The following ENPP3 variants were observed in gnomAD, a reference collection of about 807,000 sequenced individuals.
ENPP3 encodes the protein ectonucleotide pyrophosphatase/phosphodiesterase 3.
In ENPP3, 104 loss-of-function variants were observed where a neutral mutation model predicts 117.8. The ratio of observed to expected loss-of-function variants is 0.88; its 90% CI spans 0.75 to 1.04. ENPP3 has a LOEUF of 1.04. Among genes scored for constraint, ENPP3 ranks in the 50% least tolerant of loss-of-function variants. ENPP3 has a pLI of 0.00. For synonymous variants in ENPP3, 380 were observed against 349.9 expected, an observed-to-expected ratio of 1.09 and a Z score of -0.96; for missense variants, 1,026 against 1,051.9, an observed-to-expected ratio of 0.98 and a Z score of 0.34.
chr6:131,726,316 T>C (rs956461011), intron 20 of ENPP3, 116 bp downstream of exon 20: 4 of 856,604 alleles, frequency 4.7e-6, no homozygotes, highest in Non-Finnish European at 7.3e-6. Context: ...CTCACTGGCC[T>C]GTAGCTTGCA....
At chr6:131,640,216 G>A (rs1384916392) in intron 1 of ENPP3, among the ~76,000 whole-genome samples, 1 of 152,210 alleles carries the variant, frequency 6.6e-6, no homozygotes, top group Non-Finnish European at 1.5e-5. Context: ...AGTCTATGAT[G>A]TGTGAGGTTT....
chr6:131,669,799 G>C (rs1006710599), intron 6 of ENPP3, among the ~76,000 whole-genome samples: 3 of 152,022 alleles, frequency 2.0e-5, no homozygotes, highest in Non-Finnish European at 2.9e-5. Flanking sequence ...TTCTGAAGGA[G>C]GAAATTCCTG....
intron 6 of ENPP3, among the ~76,000 whole-genome samples, chr6:131,667,143 T>G (rs1439236914): frequency 1.3e-5 from 2 of 152,140 alleles, no homozygotes; most frequent in Non-Finnish European, 2.9e-5. Flanking sequence ...TTTTTTTTTC[T>G]TCTTTATTTT....
chr6:131,740,078 C>T, intron 23 of ENPP3, 146 bp from the exon 24 acceptor site: 3 of 575,046 alleles, frequency 5.2e-6, no homozygotes, highest in Admixed American at 4.0e-5. Context: ...TAAAAAGTAC[C>T]TAGCATATAG....
chr6:131,706,620 C>T (rs1779643659), intron 15 of ENPP3, among the ~76,000 whole-genome samples: 1 of 150,148 alleles, frequency 6.7e-6, no homozygotes, highest in South Asian at 2.1e-4. Flanking sequence ...TTCCTCTATT[C>T]CTGCTTTATA....
chr6:131,693,683 T>C, intron 15 of ENPP3, 59 bp downstream of exon 15: 1 of 1,539,652 alleles, frequency 6.5e-7, no homozygotes, highest in East Asian at 2.3e-5. Flanking sequence ...TCATTATAAG[T>C]CTACTTAACC....
intron 1 of ENPP3, among the ~76,000 whole-genome samples, chr6:131,638,080 T>C (rs1351034052): frequency 6.6e-6 from 1 of 152,082 alleles, no homozygotes; most frequent in Non-Finnish European, 1.5e-5. Flanking sequence ...ACTTTTGGGG[T>C]AAAGAGGGCT....
intron 5 of ENPP3, among the ~76,000 whole-genome samples, chr6:131,653,122 G>A (rs1249414623): frequency 1.3e-5 from 2 of 151,648 alleles, no homozygotes; most frequent in Non-Finnish European, 2.9e-5. Flanking sequence ...GTCTTACAAC[G>A]ACGACTTTAT....
At chr6:131,667,996 G>C (rs1329856637) in intron 6 of ENPP3, among the ~76,000 whole-genome samples, 1 of 151,942 alleles carries the variant, frequency 6.6e-6, no homozygotes, top group Non-Finnish European at 1.5e-5. Context: ...AATGATACAG[G>C]CCAACATTAT....
At position 131,685,284 on chromosome 6, in the gene ENPP3, T is replaced by C. The variant is rs2114426015; in HGVS notation, c.1121-80T>C. The stretch of plus-strand genomic sequence containing the variant: ...AGTTTGAGATCTGTAACATAAAATG[T>C]CTTCTATTTGACAAGACAGAAATCA... On this transcript the variant is annotated intron_variant, in intron 12 of 24. Coordinates refer to ENST00000357639, the MANE Select transcript of ENPP3 (RefSeq NM_005021.5). 2.5e-6 allele frequency: 3 copies of C among 1,200,324 alleles called. No individual in the cohort carries two copies. The Middle Eastern group carries it at 6.0e-4, about 239-fold the overall frequency. 74.4% of individuals were successfully genotyped at this position (1,200,324 alleles called of 1,614,324 possible). A position where few individuals can be genotyped will look rare whatever the true frequency, so the allele number is the denominator to read the frequency against.
chr6:131,746,846 C>T lies in ENPP3; in HGVS notation c.2518C>T (p.Arg840Cys), dbSNP rs142027140. 78 of 1,613,090 alleles carry T rather than the reference C, an allele frequency of 4.8e-5. No individual in the cohort carries two copies. Among genetic ancestry groups the T allele is most frequent in the East Asian group, 8.9e-5 (4 of 44,808 alleles). Reference sequence around the variant, plus strand: ...ATTTACAGCTCACATTGCCCGGGTCCGTGATGTAGAACTTCTCACTGGGCT... The same window carrying T: ...ATTTACAGCTCACATTGCCCGGGTCTGTGATGTAGAACTTCTCACTGGGCT... ...ERFTAHIARVRDVELLTGLDF... is the reference protein window; with the variant it reads ...ERFTAHIARVCDVELLTGLDF... Residue 840 changes from arginine (R) to cysteine (C), a missense_variant, in exon 25 of 25, where the codon CGT (arginine) becomes TGT (cysteine). Physicochemically the swap from Arg to Cys is radical, Grantham distance 180. Coordinates refer to ENST00000357639, the MANE Select transcript of ENPP3 (RefSeq NM_005021.5).
chr6:131,660,423 A>T (rs1778475386), intron 6 of ENPP3, among the ~76,000 whole-genome samples: 2 of 152,198 alleles, frequency 1.3e-5, no homozygotes, highest in South Asian at 4.1e-4. Context: ...ATCACACTCT[A>T]ATGAGGCAAG....
At chr6:131,683,574 A>C (rs1197588819) in intron 12 of ENPP3, among the ~76,000 whole-genome samples, 2 of 151,862 alleles carry the variant, frequency 1.3e-5, no homozygotes, top group Non-Finnish European at 2.9e-5. Flanking sequence ...ATGTGTGTTT[A>C]TTCATAGCTT....
intron 24 of ENPP3, among the ~76,000 whole-genome samples, chr6:131,743,027 C>T (rs959045088): frequency 2.0e-5 from 3 of 152,050 alleles, no homozygotes; most frequent in South Asian, 4.2e-4. Flanking sequence ...AATTATTAGA[C>T]AAAATGCAAT....
At chr6:131,663,824 A>G (rs752526658) in intron 6 of ENPP3, among the ~76,000 whole-genome samples, 19 of 152,192 alleles carry the variant, frequency 1.2e-4, no homozygotes, top group Non-Finnish European at 2.2e-4. Context: ...ATAAAATAGT[A>G]CACATATTTA....
chr6:131,655,467 C>G (rs1778365821), intron 5 of ENPP3, among the ~76,000 whole-genome samples: 1 of 152,066 alleles, frequency 6.6e-6, no homozygotes, highest in Non-Finnish European at 1.5e-5. Context: ...CAGTAAGGAC[C>G]CAGAGTCTCT....
intron 6 of ENPP3, among the ~76,000 whole-genome samples, chr6:131,668,214 T>G (rs914989642): frequency 3.7e-4 from 53 of 141,376 alleles, no homozygotes; most frequent in African/African-American, 1.3e-3. Flanking sequence ...GCGTTTTTTT[T>G]TTTTTTTTTT....
chr6:131,689,746 T>C (rs895185942), intron 14 of ENPP3, among the ~76,000 whole-genome samples: 1 of 152,216 alleles, frequency 6.6e-6, no homozygotes, highest in African/African-American at 2.4e-5. Context: ...ATTCCTCTGA[T>C]TGATCTGAGC....
intron 2 of ENPP3, among the ~76,000 whole-genome samples, chr6:131,646,274 C>CTGTGTGTGTGTGTGTGTGTG (rs34014584): frequency 1.5e-4 from 22 of 145,502 alleles, no homozygotes; most frequent in African/African-American, 5.1e-4. Flanking sequence ...TCTCAATACT[C>CTGTGTGTGTGTGTGTGTGTG]TGTGTGTGTG....
Sources: gnomAD v4.1 joint callset for allele counts (sites outside exome capture counted in the v4.1 genomes callset) on GRCh38, gnomAD v4.1.1 for gene constraint, MANE v1.5 for transcripts, NCBI Gene and HGNC (gene_info 2026-07-23, HGNC 2026-07-21) for gene names.